Variants in PIK3CD observed in about 807,000 individuals in gnomAD.
PIK3CD encodes the protein phosphatidylinositol 4,5-bisphosphate 3-kinase catalytic subunit delta isoform.
In PIK3CD, 20 loss-of-function variants were observed where a neutral mutation model predicts 122.9. The ratio of observed to expected loss-of-function variants is 0.16; its 90% CI spans 0.11 to 0.24. The LOEUF is 0.24. Ranked by LOEUF, PIK3CD falls within the 10% of genes least tolerant of loss-of-function variation. PIK3CD has a pLI of 1.00. For missense variants in PIK3CD, 787 were observed against 1,406.3 expected, an observed-to-expected ratio of 0.56 and a Z score of 7.04; for synonymous variants, 596 against 593.4, an observed-to-expected ratio of 1.00 and a Z score of -0.06.
chr1:9,646,569 G>A, the PIK3CD span, among the ~76,000 whole-genome samples: 1 of 152,298 alleles, frequency 6.6e-6, no homozygotes, highest in South Asian at 2.1e-4. Context: ...AATGGAGGAA[G>A]GTTTGTTTGT....
At chr1:9,671,901 G>A (rs1158881566) in intron 1 of PIK3CD, among the ~76,000 whole-genome samples, 1 of 152,234 alleles carries the variant, frequency 6.6e-6, no homozygotes, top group Non-Finnish European at 1.5e-5. Context: ...GGACTGGAAG[G>A]TATGGCAGCT....
At position 9,726,981 on chromosome 1, in the gene PIK3CD, C is replaced by T. The variant is rs1384520389; in HGVS notation, c.3070C>T (p.Arg1024Cys). 1 of 1,613,848 alleles carries T rather than the reference C, an allele frequency of 6.2e-7. No individual in the cohort carries two copies. Among genetic ancestry groups the T allele is most frequent in the Admixed American group, 1.7e-5 (1 of 59,974 alleles). The change falls in exon 24 of 24, where the codon CGT becomes TGT. Residue 1024 changes from arginine (R) to cysteine (C), a missense_variant. Physicochemically the swap from Arg to Cys is radical, Grantham distance 180. Coordinates refer to ENST00000377346, the MANE Select transcript of PIK3CD (RefSeq NM_005026.5). ...HFRVKFNEAL[R>C]ESWKTKVNWL... The stretch of plus-strand genomic sequence containing the variant: ...CCGAGTGAAGTTTAACGAAGCCCTC[C>T]GTGAGAGCTGGAAAACCAAAGTGAA...
In PIK3CD at chr1:9,727,328, G is replaced by T; in HGVS notation, c.*282G>T. The T allele has an allele frequency of 2.0e-6, 1 of 504,932 alleles. No individual in the cohort carries two copies. Among genetic ancestry groups the T allele is most frequent in the South Asian group, 2.1e-5 (1 of 48,656 alleles). The allele number at this position is 504,932 out of a possible 1,614,324, so 31.3% of individuals were successfully genotyped here. A position where few individuals can be genotyped will look rare whatever the true frequency, so the allele number is the denominator to read the frequency against. On this transcript the variant is annotated 3_prime_UTR_variant, in exon 24 of 24. Transcript: ENST00000377346. ...TGTCACCCCAAGTCTTCCAGCTGGT[G>T]GATCTGGGCCCAGCAAAGACTGTTC...
intron 2 of PIK3CD, among the ~76,000 whole-genome samples, chr1:9,696,314 G>T (rs1646413967): frequency 1.3e-5 from 2 of 152,048 alleles, no homozygotes; most frequent in African/African-American, 4.8e-5. Flanking sequence ...ATTTGACAGT[G>T]GGGTGGCTCG....
the PIK3CD span, among the ~76,000 whole-genome samples, chr1:9,642,163 A>C: frequency 4.6e-5 from 7 of 151,592 alleles, no homozygotes; most frequent in African/African-American, 1.7e-4. Context: ...CCCAGGCTGG[A>C]GTGCAATGGT....
chr1:9,660,102 G>A (rs1051797952), intron 1 of PIK3CD, among the ~76,000 whole-genome samples: 7 of 152,178 alleles, frequency 4.6e-5, no homozygotes, highest in Non-Finnish European at 7.3e-5. Flanking sequence ...TTCAGCAGAC[G>A]GGCTTTCACC....
At chr1:9,669,372 G>C (rs1425450588) in intron 1 of PIK3CD, among the ~76,000 whole-genome samples, 2 of 152,016 alleles carry the variant, frequency 1.3e-5, no homozygotes, top group Non-Finnish European at 2.9e-5. Flanking sequence ...TGTTGCCCAG[G>C]CTTATTCTGA....
In PIK3CD at chr1:9,715,594, C is replaced by A. The variant is rs752425885; in HGVS notation, c.195C>A (p.Pro65=). The A allele has an allele frequency of 6.2e-7, 1 of 1,613,828 alleles. No individual in the cohort carries two copies. The highest frequency in any genetic ancestry group is 1.1e-5 in the South Asian group (1 of 91,080). ...YEPLFHMLSG[P]EAYVFTCINQ... is the part of the protein sequence containing the mutation. Reference sequence around the variant, plus strand: ...CGCTCTTCCACATGCTCAGTGGCCCCGAGGCCTATGTGTTCACCTGCATCA... The same window carrying A: ...CGCTCTTCCACATGCTCAGTGGCCCAGAGGCCTATGTGTTCACCTGCATCA... The change falls in exon 4 of 24, where the codon CCC becomes CCA. Residue 65 remains proline, a synonymous_variant. Coordinates refer to ENST00000377346, the MANE Select transcript of PIK3CD (RefSeq NM_005026.5). This position sits in a 1 kb window ranked among gnomAD's most constrained non-coding sequence, Gnocchi z 4.1.
chr1:9,675,095 C>T (rs895389562), intron 1 of PIK3CD, among the ~76,000 whole-genome samples: 1 of 151,148 alleles, frequency 6.6e-6, no homozygotes, highest in African/African-American at 2.4e-5. Context: ...TTATGACAAC[C>T]CTGTTTGAGG....
At chr1:9,673,822 G>C (rs1645415044) in intron 1 of PIK3CD, among the ~76,000 whole-genome samples, 1 of 152,168 alleles carries the variant, frequency 6.6e-6, no homozygotes, top group African/African-American at 2.4e-5. Flanking sequence ...GGTTTCTGAA[G>C]CACTCAGCTT....
chr1:9,654,078 C>A, intron 1 of PIK3CD: 1 of 1,185,696 alleles, frequency 8.4e-7, no homozygotes. Flanking sequence ...CTCTGAGAAA[C>A]ATAATACAAC....
Position 9,716,952 on chromosome 1 carries a change from G to C in PIK3CD, c.781-7G>C. 1 of 1,613,656 alleles carries C rather than the reference G, an allele frequency of 6.2e-7. No homozygotes were observed. Among genetic ancestry groups the C allele is most frequent in the African/African-American group, 1.3e-5 (1 of 75,030 alleles). On this transcript the variant is annotated splice_region_variant and splice_polypyrimidine_tract_variant and intron_variant, in intron 6 of 23. Transcript: ENST00000377346. ...CCACCAGCCGCTCACCCTGCACCCC[G>C]TCTCAGTACATCTGCAGCTGCCTGC...
At chr1:9,712,105 T>C (rs1379201428) in intron 3 of PIK3CD, among the ~76,000 whole-genome samples, 9 of 151,636 alleles carry the variant, frequency 5.9e-5, no homozygotes, top group Admixed American at 5.9e-4. Flanking sequence ...TTTGGTTTGT[T>C]GAATAATATT....
intron 1 of PIK3CD, among the ~76,000 whole-genome samples, chr1:9,684,592 C>T (rs939681647): frequency 1.3e-5 from 2 of 149,624 alleles, no homozygotes; most frequent in East Asian, 3.9e-4. Flanking sequence ...TGATGGCTCA[C>T]ATCTGTAATC....
At chr1:9,629,120 C>T in the PIK3CD span, among the ~76,000 whole-genome samples, 4 of 152,106 alleles carry the variant, frequency 2.6e-5, no homozygotes, top group East Asian at 7.7e-4. Flanking sequence ...GGGCCACTGA[C>T]GCCTCTAAGG....
chr1:9,629,729 G>A, the PIK3CD span, among the ~76,000 whole-genome samples: 1 of 151,976 alleles, frequency 6.6e-6, no homozygotes, highest in South Asian at 2.1e-4. Flanking sequence ...AAAGCCCCTC[G>A]CCACAGGGTA....
rs886719955 is a variant in PIK3CD at position 9,718,168 on chromosome 1, C to T, written c.1021-526C>T. On this transcript the variant is annotated intron_variant, in intron 8 of 23. Transcript: ENST00000377346. This position sits in a 1 kb window ranked among gnomAD's most constrained non-coding sequence, Gnocchi z 7.2. The stretch of plus-strand genomic sequence containing the variant: ...ACCTGAGTCCTCAGAGGTTGGCCCT[C>T]CTGCCTGGAGTGTGTTTCACTGGGG... 3 of 464,090 alleles carry T rather than the reference C, an allele frequency of 6.5e-6. No individual in the cohort carries two copies. Among genetic ancestry groups the T allele is most frequent in the Admixed American group, 2.3e-5 (1 of 42,744 alleles). The allele number at this position is 464,090 out of a possible 1,614,324, so 28.7% of individuals were successfully genotyped here. A position where few individuals can be genotyped will look rare whatever the true frequency, so the allele number is the denominator to read the frequency against.
intron 1 of PIK3CD, among the ~76,000 whole-genome samples, chr1:9,685,404 G>T (rs1216594046): frequency 3.9e-5 from 6 of 152,052 alleles, no homozygotes; most frequent in African/African-American, 1.4e-4. Context: ...TGTTGCCCAG[G>T]CTGGAGTGCA....
At chr1:9,659,759 T>C (rs968841686) in intron 1 of PIK3CD, among the ~76,000 whole-genome samples, 17 of 152,302 alleles carry the variant, frequency 1.1e-4, no homozygotes, top group Middle Eastern at 3.4e-3. Flanking sequence ...TACATTCTTT[T>C]CTTTTTTTGA....
Sources: allele counts gnomAD v4.1 joint callset (sites outside exome capture counted in the v4.1 genomes callset), GRCh38; gene constraint gnomAD v4.1.1; non-coding constraint Gnocchi (gnomAD v3.1); transcripts MANE v1.5; gene names NCBI Gene and HGNC (gene_info 2026-07-23, HGNC 2026-07-21).